CELF2: variants seen among roughly 807,000 people sequenced by gnomAD.
CELF2 encodes the protein CUGBP Elav-like family member 2.
Under a neutral mutation model 62.6 loss-of-function variants are expected in CELF2, and 8 were observed. The observed-to-expected ratio is 0.13, with a 90% CI of 0.07 to 0.23. The LOEUF (loss-of-function observed/expected upper bound fraction) is 0.23. Ranked by LOEUF, CELF2 falls within the 10% of genes least tolerant of loss-of-function variation. The pLI, the probability that CELF2 is intolerant of heterozygous loss-of-function variation, is 1.00. For synonymous variants in CELF2, 258 were observed against 250.0 expected (o/e 1.03, Z -0.30); for missense variants, 333 against 671.0 (o/e 0.50, Z 5.56).
Position 11,314,065 on chromosome 10 carries a change from C to G in CELF2, c.977-74C>G. Reference sequence around the variant, plus strand: ...TCAGCTCCGTCCACTGAGATGATGACAGAAGGATTTCCAGTCTCGGCTCTC... The same window carrying G: ...TCAGCTCCGTCCACTGAGATGATGAGAGAAGGATTTCCAGTCTCGGCTCTC... On this transcript the variant is annotated intron_variant, in intron 9 of 12. Coordinates refer to ENST00000633077, the MANE Select transcript of CELF2 (RefSeq NM_001326342.2). This position sits in a 1 kb window ranked among gnomAD's most constrained non-coding sequence, Gnocchi z 5.3. 6.9e-7 allele frequency: 1 copy of G among 1,457,840 alleles called. No individual in the cohort carries two copies. The highest frequency in any genetic ancestry group is 1.3e-5 in the South Asian group (1 of 79,658). 90.3% of individuals were successfully genotyped at this position (1,457,840 alleles called of 1,614,324 possible).
the CELF2 span, among the ~76,000 whole-genome samples, chr10:10,765,746 T>A: frequency 6.6e-6 from 1 of 152,182 alleles, no homozygotes; most frequent in South Asian, 2.1e-4. Context: ...CACCGTGGCT[T>A]GTCCATTGCT....
intron 1 of CELF2, among the ~76,000 whole-genome samples, chr10:11,109,292 A>G (rs1273948268): frequency 6.6e-6 from 1 of 152,176 alleles, no homozygotes; most frequent in Middle Eastern, 3.2e-3. Context: ...ATATGTAACA[A>G]GTTGCCACAT....
At chr10:10,548,838 T>A in the CELF2 span, among the ~76,000 whole-genome samples, 1 of 152,178 alleles carries the variant, frequency 6.6e-6, no homozygotes, top group Non-Finnish European at 1.5e-5. Context: ...GAGCAATACA[T>A]AGCAATGTGT....
the CELF2 span, among the ~76,000 whole-genome samples, chr10:10,633,975 T>A: frequency 6.6e-6 from 1 of 152,100 alleles, no homozygotes; most frequent in Non-Finnish European, 1.5e-5. Flanking sequence ...TGGAATTACT[T>A]ATTTTAAATT....
chr10:10,850,112 G>C (rs1160461199), intron 1 of CELF2, among the ~76,000 whole-genome samples: 2 of 152,110 alleles, frequency 1.3e-5, no homozygotes, highest in African/African-American at 2.4e-5. Flanking sequence ...TCACGCCACT[G>C]TACTCCAGCC....
At chr10:10,790,356 AG>A in the CELF2 span, among the ~76,000 whole-genome samples, 1 of 152,078 alleles carries the variant, frequency 6.6e-6, no homozygotes, top group Admixed American at 6.5e-5. Flanking sequence ...CCCTCATAAT[AG>A]TACTTATATG....
intron 1 of CELF2, among the ~76,000 whole-genome samples, chr10:11,027,636 C>T (rs964273791): frequency 1.3e-5 from 2 of 152,132 alleles, no homozygotes; most frequent in African/African-American, 2.4e-5. Context: ...TTGGATTGTT[C>T]GACTTGCCCT....
the CELF2 span, among the ~76,000 whole-genome samples, chr10:10,562,783 G>GCCTACCTCCCTGCCCTCCACAT: frequency 7.2e-6 from 1 of 139,092 alleles, no homozygotes; most frequent in African/African-American, 3.1e-5. Flanking sequence ...CAGATACGGA[G>GCCTACCTCCCTGCCCTCCACAT]CCTACCTCCC....
the CELF2 span, among the ~76,000 whole-genome samples, chr10:10,626,942 C>A: frequency 6.6e-6 from 1 of 152,190 alleles, no homozygotes; most frequent in African/African-American, 2.4e-5. Context: ...GCAAGGCGGG[C>A]CATGAGGCTT....
chr10:10,541,222 G>A, the CELF2 span, among the ~76,000 whole-genome samples: 2,398 of 120,956 alleles, frequency 0.02, 39 homozygotes, highest in Non-Finnish European at 0.03. Context: ...CAGGCTGGGC[G>A]ACAGAATGAG....
At position 11,324,809 on chromosome 10, in the gene CELF2, G is replaced by A. The variant is rs549537249; in HGVS notation, c.1295-1027G>A. On this transcript the variant is annotated intron_variant, in intron 11 of 12. Coordinates refer to ENST00000633077, the MANE Select transcript of CELF2 (RefSeq NM_001326342.2). The surrounding 1 kb of genome is among the most constrained non-coding windows in gnomAD (Gnocchi z 4.7). ...GACCCCAGTGCAGCTATCCCCTGGGGTTGCCTAGTTGGGCAGGCAGGCCTG... is the reference window on the plus strand; with the variant it reads ...GACCCCAGTGCAGCTATCCCCTGGGATTGCCTAGTTGGGCAGGCAGGCCTG... Among the ~76,000 whole-genome samples, 18 of 152,272 alleles carry A rather than the reference G, an allele frequency of 1.2e-4. No individual in the cohort carries two copies. Among genetic ancestry groups the A allele is most frequent in the Middle Eastern group, 3.4e-3 (1 of 294 alleles).
intron 1 of CELF2, among the ~76,000 whole-genome samples, chr10:10,816,733 T>G (rs998647178): frequency 3.3e-5 from 5 of 152,242 alleles, no homozygotes; most frequent in Non-Finnish European, 7.3e-5. Flanking sequence ...TTCCTTGCTT[T>G]GCCATTAAAT....
chr10:10,524,590 T>C, the CELF2 span, among the ~76,000 whole-genome samples: 1 of 152,032 alleles, frequency 6.6e-6, no homozygotes, highest in African/African-American at 2.4e-5. Flanking sequence ...CTTTCATAAA[T>C]AAAAATGTAG....
chr10:10,933,502 A>T (rs1225685325), intron 2 of CELF2, among the ~76,000 whole-genome samples: 1 of 152,198 alleles, frequency 6.6e-6, no homozygotes, highest in Non-Finnish European at 1.5e-5. Flanking sequence ...ATATTATTAT[A>T]ACCACAGTCA....
chr10:10,555,010 G>T, the CELF2 span, among the ~76,000 whole-genome samples: 1 of 152,120 alleles, frequency 6.6e-6, no homozygotes, highest in Non-Finnish European at 1.5e-5. Flanking sequence ...AGTTCCAGGG[G>T]CATTAAAAAG....
At chr10:10,882,806 T>TA (rs770632999) in intron 1 of CELF2, among the ~76,000 whole-genome samples, 4 of 152,008 alleles carry the variant, frequency 2.6e-5, no homozygotes, top group African/African-American at 4.8e-5. Context: ...AAATATCAAA[T>TA]AAAAAAAATC....
At chr10:10,965,556 C>T (rs1318146675) in intron 2 of CELF2, among the ~76,000 whole-genome samples, 1 of 152,160 alleles carries the variant, frequency 6.6e-6, no homozygotes, top group Non-Finnish European at 1.5e-5. Context: ...CTGAAATCTG[C>T]ATTGCTAATG....
intron 1 of CELF2, among the ~76,000 whole-genome samples, chr10:11,043,852 A>G (rs2062297148): frequency 6.6e-6 from 1 of 152,152 alleles, no homozygotes; most frequent in Admixed American, 6.5e-5. Flanking sequence ...GCTTCCTCGC[A>G]TACCTAGAAA....
chr10:10,829,747 A>G (rs1410667450), intron 1 of CELF2, among the ~76,000 whole-genome samples: 2 of 152,178 alleles, frequency 1.3e-5, no homozygotes, highest in African/African-American at 4.8e-5. Flanking sequence ...GATAAGAAGC[A>G]AAACAGAGAG....
Sources: allele counts gnomAD v4.1 joint callset (sites outside exome capture counted in the v4.1 genomes callset), GRCh38; gene constraint gnomAD v4.1.1; non-coding constraint Gnocchi (gnomAD v3.1); transcripts MANE v1.5; gene names NCBI Gene and HGNC (gene_info 2026-07-23, HGNC 2026-07-21).